Variants in CTNND2 observed in about 807,000 individuals in gnomAD.
CTNND2 encodes the protein catenin delta 2, also known as catenin delta-2.
A neutral mutation model predicts 144.4 loss-of-function variants in CTNND2; 22 were observed. The observed-to-expected ratio is 0.15, with a 90% CI of 0.11 to 0.22. The LOEUF (loss-of-function observed/expected upper bound fraction) is 0.22. Among genes scored for constraint, CTNND2 ranks in the 10% least tolerant of loss-of-function variants. The probability of loss-of-function intolerance (pLI) is 1.00; values close to 1 mark genes in which losing one functional copy is unlikely to be tolerated. For missense variants in CTNND2, 1,353 were observed against 1,618.8 expected (o/e 0.84, Z 2.82); for synonymous variants, 751 against 695.6 (o/e 1.08, Z -1.25).
At chr5:11,848,122 A>G (rs1332299256) in intron 1 of CTNND2, among the ~76,000 whole-genome samples, 1 of 152,102 alleles carries the variant, frequency 6.6e-6, no homozygotes, top group African/African-American at 2.4e-5. Context: ...TTTGCCCTCT[A>G]TTCTTTACAC....
intron 9 of CTNND2, among the ~76,000 whole-genome samples, chr5:11,300,795 G>A (rs1207447479): frequency 2.0e-5 from 3 of 151,962 alleles, no homozygotes; most frequent in African/African-American, 7.3e-5. Flanking sequence ...ACTCTTTTGA[G>A]CACCCCCAGC....
chr5:11,825,590 T>C (rs1052882492), intron 1 of CTNND2, among the ~76,000 whole-genome samples: 2 of 151,996 alleles, frequency 1.3e-5, no homozygotes, highest in Non-Finnish European at 2.9e-5. Context: ...CCAGAGACTA[T>C]CAGAGAACAT....
chr5:11,183,378 G>A (rs767253963), intron 11 of CTNND2, among the ~76,000 whole-genome samples: 14 of 152,062 alleles, frequency 9.2e-5, no homozygotes, highest in Non-Finnish European at 1.5e-4. Flanking sequence ...CCACCCATAC[G>A]TGTCCTTAAT....
intron 16 of CTNND2, among the ~76,000 whole-genome samples, chr5:11,081,072 TCACA>T (rs55951127): frequency 0.091 from 13,246 of 144,948 alleles, 1,616 homozygotes; most frequent in African/African-American, 0.29. Context: ...TGAGACCCTG[TCACA>T]CACACACACA....
At chr5:11,850,210 C>A (rs946621557) in intron 1 of CTNND2, among the ~76,000 whole-genome samples, 1 of 151,586 alleles carries the variant, frequency 6.6e-6, no homozygotes, top group Non-Finnish European at 1.5e-5. Flanking sequence ...TCCAAAGGCA[C>A]ATGAACACCA....
chr5:11,692,826 T>C (rs936416654), intron 2 of CTNND2, among the ~76,000 whole-genome samples: 3 of 152,222 alleles, frequency 2.0e-5, no homozygotes, highest in East Asian at 1.9e-4. Context: ...GGTCTTGTAC[T>C]CCTGATCTCA....
intron 1 of CTNND2, among the ~76,000 whole-genome samples, chr5:11,738,922 C>G (rs1320012145): frequency 3.3e-5 from 5 of 152,262 alleles, no homozygotes; most frequent in South Asian, 2.1e-4. Flanking sequence ...CCCTCAGGCT[C>G]TGAAGTCACA....
intron 6 of CTNND2, among the ~76,000 whole-genome samples, chr5:11,387,435 T>A (rs1466927075): frequency 6.6e-6 from 1 of 151,650 alleles, no homozygotes; most frequent in East Asian, 1.9e-4. Flanking sequence ...GGCCCCAGAG[T>A]CTGCATTTCT....
chr5:11,142,224 C>G (rs1293505329), intron 12 of CTNND2, among the ~76,000 whole-genome samples: 1 of 152,162 alleles, frequency 6.6e-6, no homozygotes, highest in Non-Finnish European at 1.5e-5. Flanking sequence ...GAAAAGGAGA[C>G]AGAAGGACTA....
intron 14 of CTNND2, among the ~76,000 whole-genome samples, chr5:11,109,662 A>C (rs1048740610): frequency 6.6e-6 from 1 of 152,150 alleles, no homozygotes; most frequent in African/African-American, 2.4e-5. Context: ...TGAGGTATAA[A>C]TTTCTCTGAA....
Position 11,520,149 on chromosome 5 carries a change from GAA to G in CTNND2, c.287+44793_287+44794del, listed in dbSNP as rs35979486. Among the ~76,000 whole-genome samples, 527 of 123,428 alleles carry G rather than the reference GAA, an allele frequency of 4.3e-3. 3 individuals carry two copies. The highest frequency in any genetic ancestry group is 0.013 in the African/African-American group (410 of 32,554). 81.0% of individuals were successfully genotyped at this position (123,428 alleles called of 152,430 possible). A position where few individuals can be genotyped will look rare whatever the true frequency, so the allele number is the denominator to read the frequency against. ...GCAACAAGAGTGAAACTCTGTCTTG[GAA>G]AAAAAAAAAAAAAAAGAAAGAAAAT... On this transcript the variant is annotated intron_variant, in intron 3 of 21. Coordinates refer to ENST00000304623, the MANE Select transcript of CTNND2 (RefSeq NM_001332.4).
intron 2 of CTNND2, among the ~76,000 whole-genome samples, chr5:11,682,803 T>C (rs1451908022): frequency 6.6e-6 from 1 of 152,186 alleles, no homozygotes; most frequent in African/African-American, 2.4e-5. Context: ...AGAGGCTTCT[T>C]AGATTGGCAT....
chr5:11,330,483 C>CAAAAAAAA (rs10627159), intron 9 of CTNND2, among the ~76,000 whole-genome samples: 2 of 43,436 alleles, frequency 4.6e-5, no homozygotes, highest in African/African-American at 1.8e-4. Context: ...GACTCCGTCT[C>CAAAAAAAA]AAAAAAAAAA....
intron 2 of CTNND2, among the ~76,000 whole-genome samples, chr5:11,571,800 T>G (rs1777578330): frequency 2.0e-5 from 3 of 152,192 alleles, no homozygotes; most frequent in Admixed American, 2.0e-4. Context: ...CTTTCATCCA[T>G]TCTAAGTCAC....
chr5:11,304,135 A>T (rs1468811677), intron 9 of CTNND2, among the ~76,000 whole-genome samples: 6 of 148,894 alleles, frequency 4.0e-5, no homozygotes, highest in African/African-American at 1.5e-4. Flanking sequence ...GTATGTCTTT[A>T]TCAGCAGCAT....
At chr5:11,617,591 C>A (rs1232441221) in intron 2 of CTNND2, among the ~76,000 whole-genome samples, 1 of 152,146 alleles carries the variant, frequency 6.6e-6, no homozygotes. Context: ...GAAGCACATT[C>A]ATACAAAAAT....
At chr5:11,733,991 T>A (rs1787538456) in intron 1 of CTNND2, among the ~76,000 whole-genome samples, 1 of 152,064 alleles carries the variant, frequency 6.6e-6, no homozygotes, top group Admixed American at 6.6e-5. Context: ...GGTGGAGCCC[T>A]CATAAATAGG....
intron 2 of CTNND2, among the ~76,000 whole-genome samples, chr5:11,577,335 A>T (rs1778049647): frequency 6.6e-6 from 1 of 152,138 alleles, no homozygotes; most frequent in African/African-American, 2.4e-5. Context: ...GATCCTGTTG[A>T]CAGTTCTAAG....
At chr5:11,282,096 C>T (rs889838656) in intron 9 of CTNND2, among the ~76,000 whole-genome samples, 3 of 152,076 alleles carry the variant, frequency 2.0e-5, no homozygotes, top group Non-Finnish European at 2.9e-5. Context: ...TCCACTCTCA[C>T]GGTGGTTCGC....
Sources: allele counts gnomAD v4.1 joint callset (sites outside exome capture counted in the v4.1 genomes callset), GRCh38; gene constraint gnomAD v4.1.1; transcripts MANE v1.5; gene names NCBI Gene and HGNC (gene_info 2026-07-23, HGNC 2026-07-21).